The following PCDH15 variants were observed in gnomAD, a reference collection of about 807,000 sequenced individuals.
The protein encoded by PCDH15 is protocadherin-15.
In PCDH15, 129 loss-of-function variants were observed where a neutral mutation model predicts 178.5. That is an observed-to-expected ratio of 0.72 (90% CI 0.63 to 0.84). PCDH15 has a LOEUF of 0.84. Among genes scored for constraint, PCDH15 ranks in the 40% least tolerant of loss-of-function variants. PCDH15 has a pLI of 0.00. For synonymous variants in PCDH15, 800 were observed against 732.0 expected, an observed-to-expected ratio of 1.09 and a Z score of -1.50; for missense variants, 2,230 against 2,099.9, an observed-to-expected ratio of 1.06 and a Z score of -1.21.
intron 9 of PCDH15, among the ~76,000 whole-genome samples, chr10:54,234,318 T>A (rs898738185): frequency 6.6e-6 from 1 of 152,202 alleles, no homozygotes; most frequent in South Asian, 2.1e-4. Context: ...GGCAGCATTA[T>A]GTACATTTAC....
chr10:55,237,405 TAAAG>T (rs554086901), intron 1 of PCDH15, among the ~76,000 whole-genome samples: 80 of 152,282 alleles, frequency 5.3e-4, no homozygotes, highest in South Asian at 4.1e-3. Context: ...CTTTAACTCA[TAAAG>T]AATACAAGAA....
intron 21 of PCDH15, among the ~76,000 whole-genome samples, chr10:53,989,190 T>C (rs1327024999): frequency 1.3e-5 from 2 of 152,190 alleles, no homozygotes; most frequent in Non-Finnish European, 2.9e-5. Context: ...TTAGTCTGTT[T>C]ACCTGCTAAG....
At chr10:54,985,925 C>T (rs1355098955) in intron 2 of PCDH15, among the ~76,000 whole-genome samples, 1 of 152,184 alleles carries the variant, frequency 6.6e-6, no homozygotes, top group African/African-American at 2.4e-5. Flanking sequence ...AAAGTTGACA[C>T]TAGGTGGCGT....
chr10:55,230,861 T>C (rs1841195884), intron 1 of PCDH15, among the ~76,000 whole-genome samples: 1 of 152,008 alleles, frequency 6.6e-6, no homozygotes, highest in Non-Finnish European at 1.5e-5. Flanking sequence ...TATTACAAAG[T>C]GGCAGAAGCT....
chr10:54,050,889 A>C (rs1429771420), intron 18 of PCDH15, among the ~76,000 whole-genome samples: 1 of 152,138 alleles, frequency 6.6e-6, no homozygotes, highest in Admixed American at 6.6e-5. Flanking sequence ...GAGGTAATTG[A>C]ATCATGGGAG....
intron 2 of PCDH15, among the ~76,000 whole-genome samples, chr10:55,613,179 T>A (rs549184789): frequency 1.5e-3 from 228 of 152,186 alleles, no homozygotes; most frequent in African/African-American, 5.3e-3. Flanking sequence ...TTGCCTCATG[T>A]TCCCTAACCA....
At chr10:55,466,752 G>A (rs1298274747) in intron 2 of PCDH15, among the ~76,000 whole-genome samples, 2 of 151,988 alleles carry the variant, frequency 1.3e-5, no homozygotes, top group African/African-American at 2.4e-5. Flanking sequence ...AGAATATAAC[G>A]GGGAAAAAAG....
chr10:54,864,103 T>C (rs1184348404), intron 3 of PCDH15, among the ~76,000 whole-genome samples: 1 of 152,182 alleles, frequency 6.6e-6, no homozygotes, highest in Non-Finnish European at 1.5e-5. Context: ...AATTTCTTAA[T>C]ATAACAGAGG....
intron 2 of PCDH15, among the ~76,000 whole-genome samples, chr10:55,559,070 G>T (rs566897990): frequency 6.6e-6 from 1 of 152,038 alleles, no homozygotes; most frequent in East Asian, 1.9e-4. Flanking sequence ...TAGATTTCTT[G>T]TAAGCTTGCA....
At chr10:54,403,575 A>T (rs903578484) in intron 3 of PCDH15, among the ~76,000 whole-genome samples, 12 of 152,012 alleles carry the variant, frequency 7.9e-5, no homozygotes, top group Admixed American at 2.6e-4. Flanking sequence ...TCAACATAGT[A>T]TTGGAAGTTC....
intron 4 of PCDH15, among the ~76,000 whole-genome samples, chr10:54,373,870 C>T (rs1017363137): frequency 6.6e-6 from 1 of 151,894 alleles, no homozygotes; most frequent in African/African-American, 2.4e-5. Context: ...CACTGGATAA[C>T]AGTGATTTCA....
chr10:55,428,298 T>C (rs2132053734), intron 2 of PCDH15, among the ~76,000 whole-genome samples: 1 of 152,132 alleles, frequency 6.6e-6, no homozygotes, highest in Non-Finnish European at 1.5e-5. Flanking sequence ...TATTTATCTA[T>C]TTCTTCTGTA....
At chr10:54,101,167 C>T (rs1012844392) in intron 15 of PCDH15, among the ~76,000 whole-genome samples, 2 of 152,124 alleles carry the variant, frequency 1.3e-5, no homozygotes, top group Non-Finnish European at 2.9e-5. Flanking sequence ...ATGGTAGTTT[C>T]CCTGCCCCAG....
intron 25 of PCDH15, among the ~76,000 whole-genome samples, chr10:53,920,108 T>C (rs1054457092): frequency 3.3e-5 from 5 of 152,138 alleles, no homozygotes; most frequent in South Asian, 2.1e-4. Context: ...GGATACAAGA[T>C]GAGAAATCCC....
At chr10:54,717,801 C>T (rs1366231666) in intron 1 of PCDH15, among the ~76,000 whole-genome samples, 1 of 143,306 alleles carries the variant, frequency 7.0e-6, no homozygotes, top group South Asian at 2.2e-4. Context: ...GCTATAAAGA[C>T]ACATGCACAC....
At chr10:54,775,895 C>T (rs558763239) in intron 1 of PCDH15, among the ~76,000 whole-genome samples, 1 of 152,046 alleles carries the variant, frequency 6.6e-6, no homozygotes, top group Non-Finnish European at 1.5e-5. Context: ...CAAACAACAA[C>T]AAACACATAA....
intron 1 of PCDH15, among the ~76,000 whole-genome samples, chr10:55,277,759 G>A (rs1327985776): frequency 1.3e-5 from 2 of 151,986 alleles, no homozygotes; most frequent in Non-Finnish European, 2.9e-5. Context: ...CTATTATGCT[G>A]CTACCATTAG....
intron 3 of PCDH15, among the ~76,000 whole-genome samples, chr10:54,876,747 T>G (rs1263845138): frequency 6.6e-6 from 1 of 152,174 alleles, no homozygotes; most frequent in Non-Finnish European, 1.5e-5. Flanking sequence ...GAGTTGCTTC[T>G]AATGGATGAA....
At chr10:55,591,683 G>T (rs1281253615) in intron 2 of PCDH15, among the ~76,000 whole-genome samples, 2 of 152,084 alleles carry the variant, frequency 1.3e-5, no homozygotes, top group Non-Finnish European at 2.9e-5. Context: ...AGGAGGAATA[G>T]GCAGGAAAAC....
Sources: gnomAD v4.1 joint callset for allele counts (sites outside exome capture counted in the v4.1 genomes callset) on GRCh38, gnomAD v4.1.1 for gene constraint, MANE v1.5 for transcripts, NCBI Gene and HGNC (gene_info 2026-07-23, HGNC 2026-07-21) for gene names.